The following FER variants were observed in gnomAD, a reference collection of about 807,000 sequenced individuals.
The protein encoded by FER is FER tyrosine kinase.
A neutral mutation model predicts 111.0 loss-of-function variants in FER; 63 were observed. The observed-to-expected ratio is 0.57, with a 90% CI of 0.46 to 0.70. The LOEUF is 0.70. FER is among the 30% of genes least tolerant of loss of function. The pLI is 0.00. For missense variants in FER, 914 were observed against 954.0 expected, an observed-to-expected ratio of 0.96 and a Z score of 0.55; for synonymous variants, 327 against 313.9, an observed-to-expected ratio of 1.04 and a Z score of -0.44.
chr5:109,165,808 T>C (rs1756497869), intron 17 of FER, among the ~76,000 whole-genome samples: 1 of 152,122 alleles, frequency 6.6e-6, no homozygotes, highest in Non-Finnish European at 1.5e-5. Flanking sequence ...TAAAGTAAGG[T>C]GGAACTTGGC....
At chr5:108,901,058 C>G (rs1257143641) in intron 10 of FER, among the ~76,000 whole-genome samples, 1 of 151,876 alleles carries the variant, frequency 6.6e-6, no homozygotes, top group Non-Finnish European at 1.5e-5. Flanking sequence ...AGTTTGGCTC[C>G]CCTTTACCTC....
chr5:108,965,479 A>T (rs1469495266), intron 13 of FER, among the ~76,000 whole-genome samples: 2 of 152,218 alleles, frequency 1.3e-5, no homozygotes, highest in East Asian at 3.8e-4. Flanking sequence ...AAGAAGGAAA[A>T]AAAACACTTG....
rs556421293 is a variant in FER, at chr5:109,186,407, G to A, written c.2326+85G>A. 127 of 1,596,214 alleles carry A rather than the reference G, an allele frequency of 8.0e-5. 4 individuals are homozygous for A. In the South Asian group the frequency reaches 1.1e-3, roughly 14 times the overall value. ...ATAGTGTGTCTGCTTGAGGAGGGGTGTGTTAAATACTGTTTGGTTGTGTTA... is the reference window on the plus strand; with the variant it reads ...ATAGTGTGTCTGCTTGAGGAGGGGTATGTTAAATACTGTTTGGTTGTGTTA... On this transcript the variant is annotated intron_variant, in intron 19 of 19. Coordinates refer to ENST00000281092, the MANE Select transcript of FER (RefSeq NM_005246.4).
rs1156902120 is a variant in FER at position 108,835,182 on chromosome 5, C to CCG, written c.382-525_382-524insGC. Among the ~76,000 whole-genome samples the CCG allele has an allele frequency of 2.2e-3, 161 of 73,160 alleles. 15 individuals are homozygous for CCG. The highest frequency in any genetic ancestry group is 2.9e-3 in the Non-Finnish European group (106 of 36,106). 48.0% of individuals were successfully genotyped at this position (73,160 alleles called of 152,430 possible). On this transcript the variant is annotated intron_variant, in intron 4 of 19. Coordinates refer to ENST00000281092, the MANE Select transcript of FER (RefSeq NM_005246.4). ...TGGCAGTGTTATTTCTTCGTTTGCGCCACCCCCCCCCCCCCACTTTTTTTT... is the reference window on the plus strand; with the variant it reads ...TGGCAGTGTTATTTCTTCGTTTGCGCCGCACCCCCCCCCCCCCACTTTTTTTT...
intron 16 of FER, among the ~76,000 whole-genome samples, chr5:109,047,444 AAT>A (rs1772146130): frequency 6.6e-6 from 1 of 152,220 alleles, no homozygotes; most frequent in Admixed American, 6.5e-5. Context: ...TTACACATGG[AAT>A]TCAGTTATAC....
At chr5:108,772,918 A>G (rs1206369475) in intron 2 of FER, among the ~76,000 whole-genome samples, 1 of 152,234 alleles carries the variant, frequency 6.6e-6, no homozygotes, top group Non-Finnish European at 1.5e-5. Flanking sequence ...TCAGAAGTAG[A>G]TTAAAATGCA....
chr5:109,061,905 T>C (rs1380965841), intron 16 of FER, among the ~76,000 whole-genome samples: 1 of 152,172 alleles, frequency 6.6e-6, no homozygotes, highest in African/African-American at 2.4e-5. Context: ...AAATCCAAAA[T>C]ATGTTTTAAC....
In FER at chr5:109,189,142, G is replaced by A. The variant is rs1759184753; in HGVS notation, c.*1567G>A. On this transcript the variant is annotated 3_prime_UTR_variant, in exon 20 of 20. Transcript: ENST00000281092. Reference sequence around the variant, plus strand: ...GAATAAAATGTAACTCACTCACTCAGTTAAAACTAGGATTCTGTATCTTAA... The same window carrying A: ...GAATAAAATGTAACTCACTCACTCAATTAAAACTAGGATTCTGTATCTTAA... 1 of 152,110 alleles carries A rather than the reference G, an allele frequency of 6.6e-6. No homozygotes were observed. Among genetic ancestry groups the A allele is most frequent in the African/African-American group, 2.4e-5 (1 of 41,410 alleles). 9.4% of individuals were successfully genotyped at this position (152,110 alleles called of 1,614,324 possible). A position where few individuals can be genotyped will look rare whatever the true frequency, so the allele number is the denominator to read the frequency against.
chr5:108,892,369 G>C lies in FER; in HGVS notation c.1047-5290G>C, dbSNP rs368969048. On this transcript the variant is annotated intron_variant, in intron 9 of 19. Coordinates refer to ENST00000281092, the MANE Select transcript of FER (RefSeq NM_005246.4). ...TAATGATTGCCATTCTAACTGGTGTGAGATGGTATCTCATTGTGGTTTTGA... is the reference window on the plus strand; with the variant it reads ...TAATGATTGCCATTCTAACTGGTGTCAGATGGTATCTCATTGTGGTTTTGA... Among the ~76,000 whole-genome samples, 139 of 152,286 alleles carry C rather than the reference G, an allele frequency of 9.1e-4. 1 individual carries two copies. In the East Asian group the frequency reaches 0.027, roughly 29 times the overall value.
intron 11 of FER, among the ~76,000 whole-genome samples, chr5:108,953,961 C>T (rs967479393): frequency 1.3e-5 from 2 of 152,116 alleles, no homozygotes; most frequent in African/African-American, 2.4e-5. Flanking sequence ...ACTATCAGCA[C>T]ATTTCAAGGA....
At chr5:108,856,008 G>A (rs891560330) in intron 5 of FER, among the ~76,000 whole-genome samples, 4 of 151,834 alleles carry the variant, frequency 2.6e-5, no homozygotes, top group African/African-American at 4.8e-5. Flanking sequence ...TGCACTTCTA[G>A]GGAAGGAAAA....
intron 17 of FER, among the ~76,000 whole-genome samples, chr5:109,164,053 C>G (rs2126757694): frequency 6.6e-6 from 1 of 152,214 alleles, no homozygotes; most frequent in South Asian, 2.1e-4. Context: ...AAAACCTAAA[C>G]CAGTTAACAT....
intron 17 of FER, among the ~76,000 whole-genome samples, chr5:109,159,007 A>T (rs934986232): frequency 6.6e-6 from 1 of 152,190 alleles, no homozygotes; most frequent in African/African-American, 2.4e-5. Flanking sequence ...ATATTGCTAG[A>T]TAAAACAAAA....
chr5:108,793,550 A>T lies in FER; in HGVS notation c.-59-4574A>T, dbSNP rs926825552. Among the ~76,000 whole-genome samples the T allele has an allele frequency of 2.1e-5, 3 of 143,492 alleles. No individual in the cohort carries two copies. The East Asian group carries it at 5.9e-4, about 28-fold the overall frequency. The allele number at this position is 143,492 out of a possible 152,430, so 94.1% of individuals were successfully genotyped here. On this transcript the variant is annotated intron_variant, in intron 2 of 19. Transcript: ENST00000281092. ...GGGTGGTTATATACCCAGCAGCGGG[A>T]TTGCTGGATTATATGGTAGCTCAGT... is the stretch of plus-strand genomic sequence containing the variant.
rs116023522 is a variant in FER at position 109,159,262 on chromosome 5, C to G, written c.2049-21485C>G. Among the ~76,000 whole-genome samples, 1,011 of 152,260 alleles carry G rather than the reference C, an allele frequency of 6.6e-3. 17 individuals are homozygous for G. The highest frequency in any genetic ancestry group is 0.023 in the African/African-American group (969 of 41,554). On this transcript the variant is annotated intron_variant, in intron 17 of 19. Transcript: ENST00000281092. The stretch of plus-strand genomic sequence containing the variant: ...AAATAGTTCTAAAAACCCTACTCTT[C>G]TTTCAAGCGGCTCAACTTAGTCTTT...
At chr5:108,970,589 A>G (rs2149696117) in intron 13 of FER, among the ~76,000 whole-genome samples, 1 of 152,282 alleles carries the variant, frequency 6.6e-6, no homozygotes, top group Admixed American at 6.5e-5. Flanking sequence ...AAAAGTATTT[A>G]TATGAAGGAT....
At chr5:109,169,148 G>T (rs1452338586) in intron 17 of FER, among the ~76,000 whole-genome samples, 5 of 152,008 alleles carry the variant, frequency 3.3e-5, no homozygotes, top group African/African-American at 9.7e-5. Flanking sequence ...AAGGACATTG[G>T]GTGAATATTT....
intron 11 of FER, 147 bp downstream of exon 11, chr5:108,946,369 T>G (rs866248240): frequency 1.1e-4 from 56 of 517,378 alleles, no homozygotes; most frequent in African/African-American, 1.1e-3. Flanking sequence ...GAAAGATAAG[T>G]GCATAATTTA....
At chr5:109,005,967 AT>A (rs1425017556) in intron 13 of FER, among the ~76,000 whole-genome samples, 1 of 152,224 alleles carries the variant, frequency 6.6e-6, no homozygotes, top group Non-Finnish European at 1.5e-5. Context: ...ATGAAAAGGA[AT>A]TGTACATTTT....
Sources: gnomAD v4.1 joint callset for allele counts (sites outside exome capture counted in the v4.1 genomes callset) on GRCh38, gnomAD v4.1.1 for gene constraint, MANE v1.5 for transcripts, NCBI Gene and HGNC (gene_info 2026-07-23, HGNC 2026-07-21) for gene names.